Variants in SPMIP3 observed in about 807,000 individuals in gnomAD.
The protein encoded by SPMIP3 is sperm microtubule inner protein 3.
chr1:244,373,466 C>T, the SPMIP3 span, among the ~76,000 whole-genome samples: 1 of 149,918 alleles, frequency 6.7e-6, no homozygotes, highest in Non-Finnish European at 1.5e-5. Context: ...TCACACTGCA[C>T]TATAGCCTGG....
the SPMIP3 span, chr1:244,388,944 A>G: frequency 6.2e-7 from 1 of 1,607,334 alleles, no homozygotes; most frequent in African/African-American, 1.3e-5. Flanking sequence ...TTTGTTTTAA[A>G]TTCCAGATTG....
the SPMIP3 span, chr1:244,388,888 A>G: frequency 1.6e-6 from 2 of 1,269,284 alleles, no homozygotes; most frequent in Non-Finnish European, 2.3e-6. Context: ...CTAAAAGGAC[A>G]GTGTGTTAAA....
the SPMIP3 span, among the ~76,000 whole-genome samples, chr1:244,367,038 T>C: frequency 6.6e-6 from 1 of 152,054 alleles, no homozygotes; most frequent in Non-Finnish European, 1.5e-5. Flanking sequence ...CTCTCAGCAG[T>C]TGTCAGCCGA....
the SPMIP3 span, among the ~76,000 whole-genome samples, chr1:244,377,981 T>A: frequency 6.6e-6 from 1 of 152,044 alleles, no homozygotes; most frequent in Non-Finnish European, 1.5e-5. Flanking sequence ...AATTTTTGTA[T>A]TTTTTTGTAG....
At chr1:244,361,235 C>CTTTTT in the SPMIP3 span, among the ~76,000 whole-genome samples, 2 of 119,306 alleles carry the variant, frequency 1.7e-5, no homozygotes, top group Non-Finnish European at 1.7e-5. Context: ...TTCTTTCTTT[C>CTTTTT]TTTTTTTTTT....
the SPMIP3 span, among the ~76,000 whole-genome samples, chr1:244,386,521 C>T: frequency 6.6e-6 from 1 of 152,174 alleles, no homozygotes; most frequent in South Asian, 2.1e-4. Flanking sequence ...GATTCAACCC[C>T]ATCGTACAGC....
chr1:244,381,553 T>C, the SPMIP3 span, among the ~76,000 whole-genome samples: 77 of 152,348 alleles, frequency 5.1e-4, no homozygotes, highest in African/African-American at 1.8e-3. Context: ...GTCCAGGAGA[T>C]GATTTCAGTC....
the SPMIP3 span, among the ~76,000 whole-genome samples, chr1:244,377,814 CTATTT>C: frequency 1.3e-5 from 2 of 152,008 alleles, no homozygotes; most frequent in African/African-American, 2.4e-5. Flanking sequence ...GTATTGATTC[CTATTT>C]TATTTTATTT....
the SPMIP3 span, among the ~76,000 whole-genome samples, chr1:244,353,017 G>A: frequency 6.6e-6 from 1 of 152,118 alleles, no homozygotes; most frequent in East Asian, 1.9e-4. Flanking sequence ...TGTGATACAA[G>A]AAGACCTAGG....
chr1:244,384,882 T>G, the SPMIP3 span, among the ~76,000 whole-genome samples: 1 of 152,142 alleles, frequency 6.6e-6, no homozygotes, highest in Non-Finnish European at 1.5e-5. Flanking sequence ...TATAGGCTGT[T>G]TATCCTAACC....
At chr1:244,387,862 A>G in the SPMIP3 span, among the ~76,000 whole-genome samples, 2 of 151,838 alleles carry the variant, frequency 1.3e-5, no homozygotes, top group African/African-American at 4.8e-5. Context: ...CCAGGTTTCT[A>G]GTTTGTGTTA....
At chr1:244,357,492 C>T in the SPMIP3 span, among the ~76,000 whole-genome samples, 986 of 151,786 alleles carry the variant, frequency 6.5e-3, 9 homozygotes, top group Non-Finnish European at 0.011. Flanking sequence ...GGGTGGATCA[C>T]GAGGTCAGGA....
the SPMIP3 span, among the ~76,000 whole-genome samples, chr1:244,358,207 G>C: frequency 6.6e-6 from 1 of 151,946 alleles, no homozygotes; most frequent in African/African-American, 2.4e-5. Flanking sequence ...TCCAGCCTGG[G>C]TGACAGAGCC....
the SPMIP3 span, among the ~76,000 whole-genome samples, chr1:244,379,631 G>A: frequency 1.2e-4 from 19 of 152,168 alleles, 1 homozygote; most frequent in African/African-American, 4.1e-4. Flanking sequence ...TTGGAGGCAT[G>A]TTTCAAAAAT....
the SPMIP3 span, among the ~76,000 whole-genome samples, chr1:244,360,739 C>T: frequency 2.0e-5 from 3 of 151,956 alleles, no homozygotes; most frequent in African/African-American, 7.3e-5. Context: ...CAAAAATTAG[C>T]TGGGCATGAT....
At chr1:244,354,502 T>C in the SPMIP3 span, among the ~76,000 whole-genome samples, 1 of 151,918 alleles carries the variant, frequency 6.6e-6, no homozygotes, top group Non-Finnish European at 1.5e-5. Flanking sequence ...ACTACAGGTG[T>C]GCACCACCAC....
the SPMIP3 span, among the ~76,000 whole-genome samples, chr1:244,355,137 C>T: frequency 6.6e-6 from 1 of 152,188 alleles, no homozygotes; most frequent in Admixed American, 6.5e-5. Flanking sequence ...GCCTTGGGGT[C>T]AGACAGACCT....
At chr1:244,353,890 G>A in the SPMIP3 span, among the ~76,000 whole-genome samples, 56 of 152,202 alleles carry the variant, frequency 3.7e-4, 1 homozygote, top group East Asian at 0.011. Flanking sequence ...AGGCTCAGAG[G>A]CAGCTAGTAC....
At chr1:244,382,923 T>C in the SPMIP3 span, among the ~76,000 whole-genome samples, 23 of 151,870 alleles carry the variant, frequency 1.5e-4, no homozygotes, top group African/African-American at 5.6e-4. Context: ...GTGAAGACAC[T>C]GCTAAATGGA....
Sources: allele counts gnomAD v4.1 joint callset (sites outside exome capture counted in the v4.1 genomes callset), GRCh38; gene constraint gnomAD v4.1.1; transcripts MANE v1.5; gene names NCBI Gene and HGNC (gene_info 2026-07-23, HGNC 2026-07-21).